Variants in PITRM1 observed in about 807,000 individuals in gnomAD.
PITRM1 encodes the protein pitrilysin metallopeptidase 1, also known as presequence protease, mitochondrial.
Under a neutral mutation model 129.9 loss-of-function variants are expected in PITRM1, and 100 were observed. The ratio of observed to expected loss-of-function variants is 0.77; its 90% CI spans 0.65 to 0.91. The LOEUF is 0.91. Among genes scored for constraint, PITRM1 ranks in the 40% least tolerant of loss-of-function variants. PITRM1 has a pLI of 0.00. For synonymous variants in PITRM1, 591 were observed against 508.8 expected, an observed-to-expected ratio of 1.16 and a Z score of -2.17; for missense variants, 1,471 against 1,318.3, an observed-to-expected ratio of 1.12 and a Z score of -1.79.
chr10:3,170,204 T>C lies in PITRM1; in HGVS notation c.59A>G (p.His20Arg). The change falls in exon 2 of 27, where the codon CAT (histidine) becomes CGT (arginine). Residue 20 changes from histidine to arginine, a missense_variant and splice_region_variant. His to Arg is a conservative substitution (Grantham distance 29). Transcript: ENST00000224949. ...LCVLRRLSGGHAHHRAWRWNS... is the reference protein window; with the variant it reads ...LCVLRRLSGGRAHHRAWRWNS... ...CCATCGCCACGCTCTGTGGTGTGCA[T>C]GTCTAGATTAAAAGTCATCTAAGTT... 6.2e-7 allele frequency: 1 copy of C among 1,612,906 alleles called. No homozygotes were observed. The highest frequency in any genetic ancestry group is 8.5e-7 in the Non-Finnish European group (1 of 1,178,962).
At chr10:3,139,866 G>A (rs1459608960) in intron 24 of PITRM1, among the ~76,000 whole-genome samples, 1 of 152,212 alleles carries the variant, frequency 6.6e-6, no homozygotes, top group Non-Finnish European at 1.5e-5. Flanking sequence ...GTTCTCTTAG[G>A]CAGCAAAGCC....
intron 6 of PITRM1, among the ~76,000 whole-genome samples, chr10:3,164,653 CTGTG>C (rs543336872): frequency 4.7e-4 from 71 of 152,200 alleles, no homozygotes; most frequent in African/African-American, 1.6e-3. Context: ...GTGTAGGTGC[CTGTG>C]TGTGTTTATA....
At chr10:3,160,972 G>A (rs1027450796) in intron 7 of PITRM1, among the ~76,000 whole-genome samples, 2 of 152,160 alleles carry the variant, frequency 1.3e-5, no homozygotes, top group Admixed American at 6.5e-5. Context: ...TGTTGGTTAG[G>A]CTGGTCTCGA....
chr10:3,140,808 T>C lies in PITRM1; in HGVS notation c.2650A>G (p.Lys884Glu). 4 of 1,579,300 alleles carry C rather than the reference T, an allele frequency of 2.5e-6. No individual in the cohort carries two copies. Among genetic ancestry groups the C allele is most frequent in the Non-Finnish European group, 3.4e-6 (4 of 1,160,638 alleles). ...GCAGTCATCAAACGTGCAAGGATTT[T>C]AAGACTGAAATGATTAAAAAATGCA... ...PYTDPDHASL[K>E]ILARLMTAKF... is the part of the protein sequence containing the mutation. The change falls in exon 24 of 27, where the codon AAA becomes GAA. Residue 884 changes from lysine to glutamate, a missense_variant. Lys to Glu is a moderately conservative substitution (Grantham distance 56). Coordinates refer to ENST00000224949, the MANE Select transcript of PITRM1 (RefSeq NM_014889.4).
At chr10:3,162,804 T>C (rs560832445) in intron 7 of PITRM1, among the ~76,000 whole-genome samples, 19 of 152,346 alleles carry the variant, frequency 1.2e-4, no homozygotes, top group African/African-American at 3.8e-4. Flanking sequence ...CACACTCCTC[T>C]GCCGTCCCCT....
At chr10:3,147,305 A>G in intron 19 of PITRM1, 55 bp from the exon 20 acceptor site, 1 of 1,282,724 alleles carries the variant, frequency 7.8e-7, no homozygotes, top group Non-Finnish European at 1.1e-6. Context: ...AGACCCGCTG[A>G]GTCTGAACCA....
chr10:3,157,585 T>C (rs766329182), intron 11 of PITRM1, 54 bp from the exon 12 acceptor site: 10 of 1,191,392 alleles, frequency 8.4e-6, no homozygotes, highest in Non-Finnish European at 1.2e-5. Flanking sequence ...CTCATGCTTG[T>C]AATCCCAGCA....
intron 11 of PITRM1, 95 bp from the exon 12 acceptor site, chr10:3,157,626 G>A: frequency 1.4e-6 from 1 of 731,654 alleles, no homozygotes. Context: ...AGGACTGCTT[G>A]AGGCCAGGCA....
In PITRM1 at chr10:3,155,629, G is replaced by A; in HGVS notation, c.1583C>T (p.Ala528Val). 1.9e-6 allele frequency: 3 copies of A among 1,613,898 alleles called. No homozygotes were observed. Among genetic ancestry groups the A allele is most frequent in the Non-Finnish European group, 2.5e-6 (3 of 1,179,870 alleles). ...EATKLKQKVE[A>V]LSPGDRQQIY... is the part of the protein sequence containing the mutation. ...CTGCTGCCTGTCTCCGGGGGACAGA[G>A]CCTCGACCTTCTGCTTGAGCTTCGT... The change falls in exon 14 of 27, where the codon GCT becomes GTT. Residue 528 changes from alanine to valine, a missense_variant. Coordinates refer to ENST00000224949, the MANE Select transcript of PITRM1 (RefSeq NM_014889.4).
At chr10:3,160,927 A>G (rs529869645) in intron 7 of PITRM1, among the ~76,000 whole-genome samples, 23 of 152,110 alleles carry the variant, frequency 1.5e-4, no homozygotes. Flanking sequence ...TGCCCAGCTA[A>G]TTTTTGTATT....
intron 6 of PITRM1, 96 bp downstream of exon 6, chr10:3,165,142 A>C: frequency 1.1e-6 from 1 of 908,456 alleles, no homozygotes; most frequent in East Asian, 2.6e-5. Context: ...ACCTATAATG[A>C]GAATATTAAA....
chr10:3,149,642 A>T lies in PITRM1; in HGVS notation c.1850T>A (p.Leu617His). 6.3e-7 allele frequency: 1 copy of T among 1,582,140 alleles called. No individual in the cohort carries two copies. Among genetic ancestry groups the T allele is most frequent in the Non-Finnish European group, 8.6e-7 (1 of 1,167,528 alleles). The change falls in exon 16 of 27, where the codon CTC becomes CAC. Residue 617 changes from leucine (L) to histidine (H), a missense_variant. Transcript: ENST00000224949. ...GTACTTGGTGAGGACGCTGCAGAAGAGGGGCACATAGGGCCTCAGCTCCTC... is the reference window on the plus strand; with the variant it reads ...GTACTTGGTGAGGACGCTGCAGAAGTGGGGCACATAGGGCCTCAGCTCCTC... The part of the protein sequence containing the change: ...LPEELRPYVP[L>H]FCSVLTKLGC...
chr10:3,168,169 C>T (rs1482485453), intron 2 of PITRM1, among the ~76,000 whole-genome samples: 2 of 152,022 alleles, frequency 1.3e-5, no homozygotes, highest in African/African-American at 2.4e-5. Context: ...GGTCAGACCT[C>T]GGGTCTCCTC....
rs1039083880 is a variant in PITRM1 at position 3,164,585 on chromosome 10, C to T, written c.630+653G>A. On this transcript the variant is annotated intron_variant, in intron 6 of 26. Transcript: ENST00000224949. ...AGGGTGCCAATAATGGAACACTAGGCATAAATGCGTTTTAATGAGGACCCA... is the reference window on the plus strand; with the variant it reads ...AGGGTGCCAATAATGGAACACTAGGTATAAATGCGTTTTAATGAGGACCCA... 5.9e-5 allele frequency among the ~76,000 whole-genome samples: 9 copies of T among 152,136 alleles called. No individual in the cohort carries two copies. In the East Asian group the frequency reaches 9.6e-4, roughly 16 times the overall value.
At chr10:3,140,624 A>G in intron 24 of PITRM1, 63 bp downstream of exon 24, 5 of 1,440,762 alleles carry the variant, frequency 3.5e-6, no homozygotes, top group Non-Finnish European at 4.8e-6. Flanking sequence ...TGACACTGAT[A>G]ATCATGAGTA....
chr10:3,169,320 C>A (rs1843146232), intron 2 of PITRM1, among the ~76,000 whole-genome samples: 1 of 152,170 alleles, frequency 6.6e-6, no homozygotes. Context: ...GGAGCCCTGA[C>A]CGAAGGCAGC....
At position 3,137,957 on chromosome 10, in the gene PITRM1, G is replaced by T. The variant is rs551151692; in HGVS notation, c.*74C>A. 2 of 858,144 alleles carry T rather than the reference G, an allele frequency of 2.3e-6. No homozygotes were observed. Among genetic ancestry groups the T allele is most frequent in the East Asian group, 5.3e-5 (2 of 37,728 alleles). 53.2% of individuals were successfully genotyped at this position (858,144 alleles called of 1,614,324 possible). ...CATAATATTCTTGGAAAAAGCAGTA[G>T]CATTTCTGACTTTTCATATTCAGCT... is the stretch of plus-strand genomic sequence containing the variant. On this transcript the variant is annotated 3_prime_UTR_variant, in exon 27 of 27. Coordinates refer to ENST00000224949, the MANE Select transcript of PITRM1 (RefSeq NM_014889.4).
Position 3,138,890 on chromosome 10 carries a change from T to C in PITRM1, c.2917+14A>G. ...GGCTGTGGGTTGAGATTCTCACTGT[T>C]ATACTCAAAATACCTTTGTCTGAAG... On this transcript the variant is annotated intron_variant, in intron 25 of 26. Coordinates refer to ENST00000224949, the MANE Select transcript of PITRM1 (RefSeq NM_014889.4). 3.1e-6 allele frequency: 5 copies of C among 1,613,514 alleles called. No individual in the cohort carries two copies. Among genetic ancestry groups the C allele is most frequent in the Non-Finnish European group, 4.2e-6 (5 of 1,179,418 alleles).
At chr10:3,166,845 C>T (rs907195119) in intron 3 of PITRM1, 91 bp downstream of exon 3, 1 of 706,208 alleles carries the variant, frequency 1.4e-6, no homozygotes, top group South Asian at 1.9e-5. Context: ...AGTTGTTCTT[C>T]TTCCATTGTG....
Sources: allele counts gnomAD v4.1 joint callset (sites outside exome capture counted in the v4.1 genomes callset), GRCh38; gene constraint gnomAD v4.1.1; transcripts MANE v1.5; gene names NCBI Gene and HGNC (gene_info 2026-07-23, HGNC 2026-07-21).